TRMT11: variants seen among roughly 807,000 people sequenced by gnomAD.
TRMT11 encodes tRNA (guanine(10)-N(2))-methyltransferase TRMT11.
Under a neutral mutation model 62.8 loss-of-function variants are expected in TRMT11, and 53 were observed. The ratio of observed to expected loss-of-function variants is 0.84; its 90% CI spans 0.68 to 1.06. The LOEUF (loss-of-function observed/expected upper bound fraction) is 1.06, where lower values mean the gene tolerates loss of function less well. TRMT11 is among the 50% of genes least tolerant of loss of function. TRMT11 has a pLI of 0.00. For missense variants in TRMT11, 556 were observed against 553.4 expected (o/e 1.00, Z -0.05); for synonymous variants, 188 against 190.3 (o/e 0.99, Z 0.10).
At chr6:126,109,295 G>A (rs1488532906) in intron 17 of TRMT11, among the ~76,000 whole-genome samples, 2 of 152,176 alleles carry the variant, frequency 1.3e-5, no homozygotes, top group African/African-American at 4.8e-5. Flanking sequence ...GTTGCAGTTA[G>A]TTGTCTCTTT....
intron 1 of TRMT11, among the ~76,000 whole-genome samples, chr6:125,990,158 A>G (rs901505168): frequency 3.3e-5 from 5 of 151,840 alleles, no homozygotes; most frequent in South Asian, 2.1e-4. Context: ...GTCTGTTTCT[A>G]TTGTTTCTTT....
intron 16 of TRMT11, among the ~76,000 whole-genome samples, chr6:126,045,386 G>T (rs1776023166): frequency 1.3e-5 from 2 of 152,130 alleles, no homozygotes; most frequent in African/African-American, 4.8e-5. Flanking sequence ...CAGACACATA[G>T]CTTTCTGGAA....
intron 6 of TRMT11, 65 bp downstream of exon 6, chr6:125,998,749 G>C: frequency 6.6e-7 from 1 of 1,510,248 alleles, no homozygotes; most frequent in Non-Finnish European, 9.0e-7. Flanking sequence ...TAGGCCTTTT[G>C]TTGACTCCTA....
At chr6:126,221,943 G>T in the TRMT11 span, among the ~76,000 whole-genome samples, 1 of 152,080 alleles carries the variant, frequency 6.6e-6, no homozygotes, top group Non-Finnish European at 1.5e-5. Context: ...TATATTTCTA[G>T]GTTTTACATT....
chr6:126,145,919 G>A (rs1248392555), intron 21 of TRMT11, among the ~76,000 whole-genome samples: 1 of 152,054 alleles, frequency 6.6e-6, no homozygotes, highest in African/African-American at 2.4e-5. Flanking sequence ...TAAATCTCCA[G>A]GTGGACCAAA....
At chr6:126,054,829 A>G (rs974052641) in intron 17 of TRMT11, among the ~76,000 whole-genome samples, 1 of 152,174 alleles carries the variant, frequency 6.6e-6, no homozygotes, top group Non-Finnish European at 1.5e-5. Flanking sequence ...CTTGGAGCCC[A>G]CTCTGCTGTC....
the TRMT11 span, among the ~76,000 whole-genome samples, chr6:126,224,718 G>A: frequency 6.6e-6 from 1 of 152,188 alleles, no homozygotes; most frequent in African/African-American, 2.4e-5. Flanking sequence ...ACATGTGTAC[G>A]CTTGTGCTGG....
At chr6:126,185,460 A>G (rs1331915195) in intron 1 of TRMT11, among the ~76,000 whole-genome samples, 1 of 151,998 alleles carries the variant, frequency 6.6e-6, no homozygotes, top group Non-Finnish European at 1.5e-5. Flanking sequence ...TACATATTGC[A>G]TATCTTTTGA....
At chr6:126,208,115 A>G (rs1778806601), downstream of TRMT11, among the ~76,000 whole-genome samples, 1 of 152,232 alleles carries the variant, frequency 6.6e-6, no homozygotes, top group South Asian at 2.1e-4. Flanking sequence ...TCTCAATCCT[A>G]ACAGGAAGGT....
At position 126,127,820 on chromosome 6, in the gene TRMT11, C is replaced by T. The variant is rs1182362690; in HGVS notation, c.*1823+11965C>T. Reference sequence around the variant, plus strand: ...CTGTGAGGGAGAATAGTCTGGACCTCTATGCAACTAAGCATAAAGTGGATG... The same window carrying T: ...CTGTGAGGGAGAATAGTCTGGACCTTTATGCAACTAAGCATAAAGTGGATG... On this transcript the variant is annotated intron_variant and NMD_transcript_variant, in intron 21 of 22. Transcript: ENST00000648977. 3.3e-5 allele frequency among the ~76,000 whole-genome samples: 5 copies of T among 151,908 alleles called. No homozygotes were observed. The East Asian group carries it at 7.8e-4, about 24-fold the overall frequency.
chr6:126,109,467 A>C (rs1777501552), intron 17 of TRMT11, among the ~76,000 whole-genome samples: 1 of 152,162 alleles, frequency 6.6e-6, no homozygotes, highest in Admixed American at 6.6e-5. Context: ...CAGGAATGAC[A>C]CTGAAGTGAT....
chr6:125,995,866 A>G, intron 2 of TRMT11, 101 bp from the exon 3 acceptor site: 3 of 732,580 alleles, frequency 4.1e-6, no homozygotes, highest in Middle Eastern at 5.4e-4. Flanking sequence ...TTCTTACATG[A>G]AAGTAGCAAA....
intron 17 of TRMT11, among the ~76,000 whole-genome samples, chr6:126,070,185 C>G (rs947640593): frequency 7.9e-5 from 12 of 152,074 alleles, no homozygotes; most frequent in African/African-American, 2.9e-4. Context: ...ATCAGAGAAC[C>G]AAGGAATTTT....
intron 1 of TRMT11, among the ~76,000 whole-genome samples, chr6:126,182,207 A>C (rs927990672): frequency 6.6e-6 from 1 of 152,200 alleles, no homozygotes; most frequent in African/African-American, 2.4e-5. Flanking sequence ...GATGTAAAGA[A>C]TATGACTTTT....
At chr6:125,994,221 T>G (rs2128746492) in intron 2 of TRMT11, among the ~76,000 whole-genome samples, 1 of 152,340 alleles carries the variant, frequency 6.6e-6, no homozygotes, top group Non-Finnish European at 1.5e-5. Context: ...CATAAAACTA[T>G]ATCAGTGTTT....
chr6:126,169,192 G>T (rs1445365512), intron 21 of TRMT11, among the ~76,000 whole-genome samples: 2 of 152,148 alleles, frequency 1.3e-5, no homozygotes, highest in Non-Finnish European at 2.9e-5. Flanking sequence ...TCTTATTAAG[G>T]CAGGCCAGCT....
At chr6:126,238,222 C>T in the TRMT11 span, among the ~76,000 whole-genome samples, 276 of 152,196 alleles carry the variant, frequency 1.8e-3, 3 homozygotes, top group African/African-American at 6.2e-3. Flanking sequence ...CAGTTCTGCG[C>T]TAATCTTAGT....
chr6:126,049,799 A>AT (rs1284172650), intron 16 of TRMT11, among the ~76,000 whole-genome samples: 1 of 152,240 alleles, frequency 6.6e-6, no homozygotes, highest in East Asian at 1.9e-4. Context: ...AACATTACAA[A>AT]TTTTTTAAAA....
chr6:126,046,387 T>A (rs150967396), intron 16 of TRMT11, among the ~76,000 whole-genome samples: 1 of 152,096 alleles, frequency 6.6e-6, no homozygotes, highest in Non-Finnish European at 1.5e-5. Flanking sequence ...ACCAAAATCA[T>A]TGGAATTTCA....
Sources: gnomAD v4.1 joint callset for allele counts (sites outside exome capture counted in the v4.1 genomes callset) on GRCh38, gnomAD v4.1.1 for gene constraint, MANE v1.5 for transcripts, NCBI Gene and HGNC (gene_info 2026-07-23, HGNC 2026-07-21) for gene names.